Variants in RNF168 observed in about 807,000 individuals in gnomAD.
RNF168 encodes E3 ubiquitin-protein ligase RNF168.
A neutral mutation model predicts 34.9 loss-of-function variants in RNF168; 34 were observed. The ratio of observed to expected loss-of-function variants is 0.97; its 90% CI spans 0.74 to 1.30. The LOEUF (loss-of-function observed/expected upper bound fraction) is 1.30. Among genes scored for constraint, RNF168 ranks in the 50% most tolerant of loss-of-function variants. RNF168 has a pLI of 0.00. For missense variants in RNF168, 725 were observed against 682.5 expected (o/e 1.06, Z -0.69); for synonymous variants, 264 against 254.7 (o/e 1.04, Z -0.35).
chr3:196,489,103 G>A (rs1226673686), intron 1 of RNF168, among the ~76,000 whole-genome samples: 3 of 151,956 alleles, frequency 2.0e-5, no homozygotes, highest in Non-Finnish European at 2.9e-5. Flanking sequence ...TGATCCACCC[G>A]CCTTGGCCTC....
At chr3:196,486,715 G>A (rs1028519490) in intron 3 of RNF168, among the ~76,000 whole-genome samples, 4 of 152,254 alleles carry the variant, frequency 2.6e-5, no homozygotes, top group Non-Finnish European at 5.9e-5. Flanking sequence ...AACGGGAGTG[G>A]AGAGGTGGAA....
At chr3:196,495,667 C>A (rs1485422456) in intron 1 of RNF168, among the ~76,000 whole-genome samples, 1 of 152,208 alleles carries the variant, frequency 6.6e-6, no homozygotes. Context: ...ACTGTGGTAA[C>A]AGGCTTCTCG....
intron 1 of RNF168, among the ~76,000 whole-genome samples, chr3:196,492,904 T>C (rs1034804305): frequency 2.6e-5 from 4 of 152,104 alleles, no homozygotes; most frequent in Non-Finnish European, 4.4e-5. Flanking sequence ...AGTGTGGCTA[T>C]TAAGTGGCAA....
In RNF168 at chr3:196,472,345, G is replaced by A. The variant is rs748579006; in HGVS notation, c.1190C>T (p.Ala397Val). The A allele has an allele frequency of 4.3e-6, 7 of 1,613,898 alleles. No homozygotes were observed. In the South Asian group the frequency reaches 5.5e-5, roughly 13 times the overall value. ...TGCAGAAAAGCATGGATCCTTGACT[G>A]CTTCAAAGGAAGATTCTTGGTTTTT... ...KRKNQESSFE[A>V]VKDPCFSAKR... Residue 397 changes from alanine to valine, a missense_variant, in exon 6 of 6, where the codon GCA (alanine) becomes GTA (valine). By Grantham distance (64) the Ala-to-Val change is moderately conservative. Transcript: ENST00000318037.
At chr3:196,481,240 G>C (rs1315643098) in intron 4 of RNF168, among the ~76,000 whole-genome samples, 1 of 152,088 alleles carries the variant, frequency 6.6e-6, no homozygotes, top group Non-Finnish European at 1.5e-5. Flanking sequence ...CTGAATGCAG[G>C]TGGAGAGTAG....
chr3:196,496,701 G>A (rs2108654246), intron 1 of RNF168, among the ~76,000 whole-genome samples: 1 of 152,328 alleles, frequency 6.6e-6, no homozygotes, highest in Non-Finnish European at 1.5e-5. Context: ...AAACTGGTAA[G>A]TTGATTGAAA....
Position 196,487,441 on chromosome 3 carries a change from C to T in RNF168, c.516G>A (p.Leu172=). 6.2e-7 allele frequency: 1 copy of T among 1,614,180 alleles called. No homozygotes were observed. Among genetic ancestry groups the T allele is most frequent in the Non-Finnish European group, 8.5e-7 (1 of 1,179,996 alleles). ...EKRRRAMEEQ[L]KSDEELARKL... ...TTCTTGCCAGTTCCTCATCACTTTT[C>T]AGTTGTTCTTCCATCGCTCTTCGCC... Residue 172 remains leucine, a synonymous_variant, in exon 3 of 6, where the codon CTG becomes CTA. Coordinates refer to ENST00000318037, the MANE Select transcript of RNF168 (RefSeq NM_152617.4).
chr3:196,482,516 C>T (rs1247022155), intron 4 of RNF168, among the ~76,000 whole-genome samples: 1 of 152,180 alleles, frequency 6.6e-6, no homozygotes, highest in Non-Finnish European at 1.5e-5. Context: ...TTCAAGGAAT[C>T]ACCAACTGTT....
intron 1 of RNF168, among the ~76,000 whole-genome samples, chr3:196,502,507 G>A (rs1732923452): frequency 6.6e-6 from 1 of 151,732 alleles, no homozygotes; most frequent in African/African-American, 2.4e-5. Flanking sequence ...AGAATCGCTT[G>A]AAACCGGGAG....
chr3:196,484,629 G>A (rs1307433540), intron 3 of RNF168, among the ~76,000 whole-genome samples: 1 of 151,826 alleles, frequency 6.6e-6, no homozygotes, highest in Non-Finnish European at 1.5e-5. Context: ...CTACAGGCAT[G>A]AGCCACCAGG....
In RNF168 at chr3:196,487,495, T is replaced by G; in HGVS notation, c.462A>C (p.Glu154Asp). 1.9e-6 allele frequency: 3 copies of G among 1,614,162 alleles called. No homozygotes were observed. The highest frequency in any genetic ancestry group is 2.5e-6 in the Non-Finnish European group (3 of 1,179,976). Residue 154 changes from glutamate (E) to aspartate (D), a missense_variant, in exon 3 of 6, where the codon GAA (glutamate) becomes GAC (aspartate). By Grantham distance (45) the Glu-to-Asp change is conservative. Transcript: ENST00000318037. ...TTTCTGCCTGTCTTTTTTCCTCTTC[T>G]TCCTCCTCTGCCAACAACCTCTGTA... Reference protein sequence around the residue: ...EYIQRLLAEEEEEEKRQAEKR... With the variant: ...EYIQRLLAEEDEEEKRQAEKR...
chr3:196,482,646 G>A (rs1415107773), intron 4 of RNF168, among the ~76,000 whole-genome samples: 2 of 152,034 alleles, frequency 1.3e-5, no homozygotes, highest in Admixed American at 6.6e-5. Flanking sequence ...CATCCTAATG[G>A]GTATGAAATG....
In RNF168 at chr3:196,475,324, G is replaced by A. The variant is rs1225632596; in HGVS notation, c.681-12C>T. ...TCGGTGTCAAATACCTAAAAGAAAA[G>A]TTTACCAAAGTTTCAATGCTTTCAA... On this transcript the variant is annotated splice_polypyrimidine_tract_variant and intron_variant, in intron 4 of 5. Transcript: ENST00000318037. 2.0e-6 allele frequency: 3 copies of A among 1,508,884 alleles called. No homozygotes were observed. Among genetic ancestry groups the A allele is most frequent in the African/African-American group, 1.4e-5 (1 of 73,112 alleles). 93.5% of individuals were successfully genotyped at this position (1,508,884 alleles called of 1,614,324 possible). A position where few individuals can be genotyped will look rare whatever the true frequency, so the allele number is the denominator to read the frequency against.
intron 4 of RNF168, 119 bp downstream of exon 4, chr3:196,483,651 G>C: frequency 2.3e-6 from 2 of 865,600 alleles, no homozygotes; most frequent in Non-Finnish European, 3.9e-6. Context: ...CTCAACCTCA[G>C]ACTATTTTCA....
chr3:196,493,855 A>ATTTTTTTT (rs376320330), intron 1 of RNF168, among the ~76,000 whole-genome samples: 2 of 128,184 alleles, frequency 1.6e-5, no homozygotes, highest in African/African-American at 3.3e-5. Flanking sequence ...TTTTAAATTT[A>ATTTTTTTT]TTTTTTTTTT....
chr3:196,479,956 T>A, intron 4 of RNF168, among the ~76,000 whole-genome samples: 1 of 152,248 alleles, frequency 6.6e-6, no homozygotes, highest in East Asian at 1.9e-4. Flanking sequence ...AAACAAAGTT[T>A]ATGAGAGAAC....
chr3:196,500,963 G>A (rs1481784231), intron 1 of RNF168, among the ~76,000 whole-genome samples: 1 of 152,078 alleles, frequency 6.6e-6, no homozygotes, highest in Non-Finnish European at 1.5e-5. Flanking sequence ...CGCCCGCCTC[G>A]GCCTCCCAAA....
rs573792396 is a variant in RNF168, at chr3:196,475,835, C to A, written c.681-523G>T. Among the ~76,000 whole-genome samples, 117 of 150,626 alleles carry A rather than the reference C, an allele frequency of 7.8e-4. 1 individual carries two copies. Among genetic ancestry groups the A allele is most frequent in the Middle Eastern group, 3.5e-3 (1 of 288 alleles). Reference sequence around the variant, plus strand: ...AAAGTGCTGGGATTACAGGCGTGAGCCACTGAGCCCGGCTAAATATTTTTT... The same window carrying A: ...AAAGTGCTGGGATTACAGGCGTGAGACACTGAGCCCGGCTAAATATTTTTT... On this transcript the variant is annotated intron_variant, in intron 4 of 5. Coordinates refer to ENST00000318037, the MANE Select transcript of RNF168 (RefSeq NM_152617.4).
intron 2 of RNF168, among the ~76,000 whole-genome samples, chr3:196,488,170 T>C (rs1732501365): frequency 6.6e-6 from 1 of 152,100 alleles, no homozygotes; most frequent in African/African-American, 2.4e-5. Flanking sequence ...ACAAAGCCCT[T>C]ATAAAGTACA....
Sources: gnomAD v4.1 joint callset for allele counts (sites outside exome capture counted in the v4.1 genomes callset) on GRCh38, gnomAD v4.1.1 for gene constraint, MANE v1.5 for transcripts, NCBI Gene and HGNC (gene_info 2026-07-23, HGNC 2026-07-21) for gene names.